The following AKR1C3 variants were observed in gnomAD, a reference collection of about 807,000 sequenced individuals.
AKR1C3 encodes 3-alpha hydroxysteroid dehydrogenase, type II.
AKR1C3 carries 48 observed loss-of-function variants against 43.6 expected under a neutral mutation model. That is an observed-to-expected ratio of 1.10 (90% CI 0.87 to 1.40). The LOEUF is 1.40. Among genes scored for constraint, AKR1C3 ranks in the 40% most tolerant of loss-of-function variants. The pLI is 0.00. For synonymous variants in AKR1C3, 162 were observed against 139.6 expected, an observed-to-expected ratio of 1.16 and a Z score of -1.13; for missense variants, 482 against 391.2, an observed-to-expected ratio of 1.23 and a Z score of -1.96.
intron 2 of AKR1C3, 125 bp downstream of exon 2, chr10:5,096,702 T>C (rs1306696738): frequency 4.9e-6 from 7 of 1,422,488 alleles, no homozygotes; most frequent in Middle Eastern, 1.9e-4. Context: ...TATTCACACA[T>C]ACTCACATAC....
intron 1 of AKR1C3, among the ~76,000 whole-genome samples, chr10:5,073,304 C>G (rs1554781501): frequency 6.6e-6 from 1 of 152,164 alleles, no homozygotes; most frequent in African/African-American, 2.4e-5. Flanking sequence ...TTATTTTCTA[C>G]TTTATAGAGA....
At chr10:5,051,284 A>T (rs1171572533) in intron 1 of AKR1C3, among the ~76,000 whole-genome samples, 1 of 152,080 alleles carries the variant, frequency 6.6e-6, no homozygotes, top group Admixed American at 6.6e-5. Context: ...TTTAGTAGAG[A>T]CGGGGTTCCA....
intron 1 of AKR1C3, among the ~76,000 whole-genome samples, chr10:5,084,334 A>G (rs1264101508): frequency 1.3e-5 from 2 of 151,594 alleles, no homozygotes; most frequent in African/African-American, 4.9e-5. Flanking sequence ...TAAATAGGGA[A>G]TCCTTTCCCC....
intron 1 of AKR1C3, among the ~76,000 whole-genome samples, chr10:5,066,537 T>G (rs1318282922): frequency 6.6e-6 from 1 of 152,150 alleles, no homozygotes; most frequent in African/African-American, 2.4e-5. Flanking sequence ...ATATAAGCAT[T>G]TAAAACCTTT....
chr10:5,072,390 G>C (rs1235442020), intron 1 of AKR1C3, among the ~76,000 whole-genome samples: 2 of 152,090 alleles, frequency 1.3e-5, no homozygotes, highest in African/African-American at 4.8e-5. Flanking sequence ...AGTTTTTCCT[G>C]TTGCCAATAA....
At chr10:5,067,226 C>A (rs1284535600) in intron 1 of AKR1C3, among the ~76,000 whole-genome samples, 1 of 152,136 alleles carries the variant, frequency 6.6e-6, no homozygotes, top group African/African-American at 2.4e-5. Flanking sequence ...TTTTCCATTT[C>A]TATTGTTCAG....
rs781998157 is a variant in AKR1C3 at position 5,097,638 on chromosome 10, G to A, written c.369+88G>A. ...GATAGTTGAACAGAGCTTTTTATTAGGAGGATGTAGGGATTATCACACAGA... is the reference window on the plus strand; with the variant it reads ...GATAGTTGAACAGAGCTTTTTATTAAGAGGATGTAGGGATTATCACACAGA... On this transcript the variant is annotated intron_variant, in intron 3 of 8. Coordinates refer to ENST00000380554, the MANE Select transcript of AKR1C3 (RefSeq NM_003739.6). 11 of 1,601,588 alleles carry A rather than the reference G, an allele frequency of 6.9e-6. No homozygotes were observed. In the Admixed American group the frequency reaches 1.4e-4, roughly 20 times the overall value.
chr10:5,058,325 G>A (rs1406073149), intron 1 of AKR1C3, among the ~76,000 whole-genome samples: 2 of 152,130 alleles, frequency 1.3e-5, no homozygotes, highest in Non-Finnish European at 2.9e-5. Flanking sequence ...AAAAGGTCAA[G>A]CTCTGCAGGA....
intron 1 of AKR1C3, among the ~76,000 whole-genome samples, chr10:5,068,869 T>TA (rs1235156469): frequency 6.6e-6 from 1 of 152,194 alleles, no homozygotes; most frequent in African/African-American, 2.4e-5. Flanking sequence ...GCAGGCAAGT[T>TA]AAACAAATTT....
chr10:5,105,769 G>T, intron 8 of AKR1C3, 92 bp downstream of exon 8: 1 of 955,502 alleles, frequency 1.0e-6, no homozygotes. Flanking sequence ...CAGAGGGACA[G>T]AGGCCAATGT....
chr10:5,059,842 A>G (rs528513717), intron 1 of AKR1C3, among the ~76,000 whole-genome samples: 1 of 152,226 alleles, frequency 6.6e-6, no homozygotes, highest in African/African-American at 2.4e-5. Flanking sequence ...GGTCGCCAAA[A>G]TGTGTCCAGA....
In AKR1C3 at chr10:5,102,524, C is replaced by G. The variant is rs544284218; in HGVS notation, c.720C>G (p.Val240=). 1 of 1,574,610 alleles carries G rather than the reference C, an allele frequency of 6.4e-7. No homozygotes were observed. Residue 240 remains valine, a synonymous_variant, in exon 7 of 9, where the codon GTC becomes GTG. Transcript: ENST00000380554. ...CCCCGGTGCTCTTGGAGGACCCAGT[C>G]CTTTGTGCCTTGGCAAAAAAGCACA... ...PNSPVLLEDP[V]LCALAKKHKR... is the part of the protein sequence containing the mutation.
chr10:5,105,492 C>G (rs1340696387), intron 7 of AKR1C3, 103 bp from the exon 8 acceptor site: 4 of 865,164 alleles, frequency 4.6e-6, no homozygotes, highest in Non-Finnish European at 7.2e-6. Flanking sequence ...CTGTTTAAAA[C>G]TTACCAATAT....
At chr10:5,056,515 G>A (rs1230518193) in intron 1 of AKR1C3, among the ~76,000 whole-genome samples, 3 of 152,148 alleles carry the variant, frequency 2.0e-5, no homozygotes, top group African/African-American at 7.2e-5. Flanking sequence ...TCCTTACTAA[G>A]GCTTGAGCTT....
At chr10:5,071,691 G>T (rs969161315) in intron 1 of AKR1C3, among the ~76,000 whole-genome samples, 1 of 152,180 alleles carries the variant, frequency 6.6e-6, no homozygotes, top group Admixed American at 6.5e-5. Flanking sequence ...GCTTCCAAAA[G>T]AATTCAGTAT....
chr10:5,075,163 C>T (rs1054230441), intron 1 of AKR1C3, among the ~76,000 whole-genome samples: 1 of 152,076 alleles, frequency 6.6e-6, no homozygotes, highest in African/African-American at 2.4e-5. Flanking sequence ...CATGTTGCCA[C>T]TACAATCTGT....
chr10:5,074,008 C>T (rs536150250), intron 1 of AKR1C3, among the ~76,000 whole-genome samples: 18 of 152,236 alleles, frequency 1.2e-4, no homozygotes, highest in Admixed American at 2.6e-4. Flanking sequence ...GTCTGCTCAC[C>T]GAGATAATTA....
At position 5,087,238 on chromosome 10, in the gene AKR1C3, C is replaced by G. The variant is rs370998650; in HGVS notation, c.85-9172C>G. On this transcript the variant is annotated intron_variant, in intron 1 of 8. Transcript: ENST00000439082. ...TCCTTTCCATGTTTAGTGCTTCCTT[C>G]AGGAGCTCCTTTAGGGCAGGCCTGG... is the stretch of plus-strand genomic sequence containing the variant. Among the ~76,000 whole-genome samples, 94 of 152,222 alleles carry G rather than the reference C, an allele frequency of 6.2e-4. No homozygotes were observed. In the South Asian group the frequency reaches 0.019, roughly 31 times the overall value.
At chr10:5,107,341 G>T in intron 8 of AKR1C3, 120 bp from the exon 9 acceptor site, 1 of 709,394 alleles carries the variant, frequency 1.4e-6, no homozygotes, top group South Asian at 1.7e-5. Flanking sequence ...AAGAAAGGCA[G>T]ATTCTACAAC....
Sources: gnomAD v4.1 joint callset for allele counts (sites outside exome capture counted in the v4.1 genomes callset) on GRCh38, gnomAD v4.1.1 for gene constraint, MANE v1.5 for transcripts, NCBI Gene and HGNC (gene_info 2026-07-23, HGNC 2026-07-21) for gene names.